C3: variants seen among roughly 807,000 people sequenced by gnomAD.
The protein encoded by C3 is C3 and PZP-like alpha-2-macroglobulin domain-containing protein 1.
C3 carries 97 observed loss-of-function variants against 207.9 expected under a neutral mutation model. The ratio of observed to expected loss-of-function variants is 0.47; its 90% CI spans 0.40 to 0.55. The LOEUF is 0.55. Ranked by LOEUF, C3 falls within the 20% of genes least tolerant of loss-of-function variation. The pLI, the probability that C3 is intolerant of heterozygous loss-of-function variation, is 0.00. For missense variants in C3, 1,684 were observed against 2,171.7 expected, an observed-to-expected ratio of 0.78 and a Z score of 4.46; for synonymous variants, 848 against 857.6, an observed-to-expected ratio of 0.99 and a Z score of 0.20.
In C3 at chr19:6,709,761, C is replaced by T. The variant is rs767902073; in HGVS notation, c.1768G>A (p.Gly590Arg). 9 of 1,613,926 alleles carry T rather than the reference C, an allele frequency of 5.6e-6. No homozygotes were observed. Among genetic ancestry groups the T allele is most frequent in the Admixed American group, 3.3e-5 (2 of 59,968 alleles). ...QMTLKIEGDH[G>R]ARVVLVAVDK... ...ACGGCCACCAGTACCACCCGGGCCC[C>T]GTGGTCACCCTCTATCTTCAGGGTC... The change falls in exon 14 of 41, where the codon GGG becomes AGG. Residue 590 changes from glycine to arginine, a missense_variant. By Grantham distance (125) the Gly-to-Arg change is moderately radical. Around this residue, in one of 3 missense-constraint regions of C3, gnomAD observed 1,280 missense variants for 1,739.1 expected, o/e 0.74. Transcript: ENST00000245907.
Position 6,694,480 on chromosome 19 carries a change from CTCCCACTGCT to C in C3, c.3095_3104del (p.Glu1032GlyfsTer5). 1 of 1,614,164 alleles carries C rather than the reference CTCCCACTGCT, an allele frequency of 6.2e-7. No individual in the cohort carries two copies. The highest frequency in any genetic ancestry group is 8.5e-7 in the Non-Finnish European group (1 of 1,179,998). ...CCTGCCGCTTCTCTAGGCCGAACTT[CTCCCACTGCT>C]CCGTTTCATCCAGGTAATGCACAGC... On this transcript the variant is annotated frameshift_variant, in exon 24 of 41. Transcript: ENST00000245907. LOFTEE classifies it high-confidence loss of function.
intron 27 of C3, 67 bp from the exon 28 acceptor site, chr19:6,686,969 G>T: frequency 6.7e-7 from 1 of 1,491,816 alleles, no homozygotes; most frequent in South Asian, 1.1e-5. Flanking sequence ...AGGATCATTC[G>T]AGCAGCACTT....
chr19:6,710,917 G>A (rs1599522803), intron 12 of C3, 70 bp downstream of exon 12: 1 of 1,601,382 alleles, frequency 6.2e-7, no homozygotes, highest in East Asian at 2.2e-5. Context: ...CCGGGATGGG[G>A]GAAGGAGTCC....
At chr19:6,710,336 GGAGA>G (rs143362146) in intron 13 of C3, among the ~76,000 whole-genome samples, 3 of 134,362 alleles carry the variant, frequency 2.2e-5, no homozygotes, top group Non-Finnish European at 3.2e-5. Flanking sequence ...AGAGAGAAAA[GGAGA>G]GAGAGAGGGA....
At chr19:6,716,189 T>C (rs750946960) in intron 4 of C3, among the ~76,000 whole-genome samples, 2 of 151,458 alleles carry the variant, frequency 1.3e-5, no homozygotes, top group Non-Finnish European at 2.9e-5. Flanking sequence ...CCTCCCGAAA[T>C]GTTGGAATTA....
intron 29 of C3, among the ~76,000 whole-genome samples, chr19:6,685,794 G>A (rs1403982548): frequency 6.6e-6 from 1 of 152,262 alleles, no homozygotes; most frequent in African/African-American, 2.4e-5. Flanking sequence ...CAGCAAGACA[G>A]GGTAAGATTG....
At chr19:6,678,092 TG>T in intron 40 of C3, 59 bp downstream of exon 40, 2 of 1,613,876 alleles carry the variant, frequency 1.2e-6, no homozygotes, top group East Asian at 2.2e-5. Context: ...GACAATGGTG[TG>T]GGCGTGGCAT....
In C3 at chr19:6,712,529, T is replaced by A; in HGVS notation, c.1098A>T (p.Pro366=). ...TCACCATGAGGTCAAAGGGCATTCC[T>A]GGTTTGAAGTACTTGGGTGTCTTGG... The part of the protein sequence containing the change: ...HFTKTPKYFK[P]GMPFDLMVFV... The change falls in exon 10 of 41, where the codon CCA becomes CCT. Residue 366 remains proline, a synonymous_variant. Coordinates refer to ENST00000245907, the MANE Select transcript of C3 (RefSeq NM_000064.4). 1 of 1,614,148 alleles carries A rather than the reference T, an allele frequency of 6.2e-7. No homozygotes were observed. Among genetic ancestry groups the A allele is most frequent in the Non-Finnish European group, 8.5e-7 (1 of 1,179,996 alleles).
intron 36 of C3, 179 bp downstream of exon 36, chr19:6,679,979 C>T (rs974204104): frequency 1.6e-6 from 1 of 629,708 alleles, no homozygotes; most frequent in Non-Finnish European, 2.9e-6. Flanking sequence ...CCCCTCAGAA[C>T]CTCAGAACCT....
In C3 at chr19:6,678,162, C is replaced by G. The variant is rs749266657; in HGVS notation, c.4840G>C (p.Glu1614Gln). 1.2e-6 allele frequency: 2 copies of G among 1,614,226 alleles called. No individual in the cohort carries two copies. The highest frequency in any genetic ancestry group is 1.7e-6 in the Non-Finnish European group (2 of 1,180,040). The change falls in exon 40 of 41, where the codon GAG becomes CAG. Residue 1614 changes from glutamate to glutamine, a missense_variant. This residue lies in a region of C3 where 346 missense variants were observed against 380.1 expected (regional missense o/e 0.91). Coordinates refer to ENST00000245907, the MANE Select transcript of C3 (RefSeq NM_000064.4). ...MWGLSSDFWG[E>Q]KPNLSYIIGK... ...AGGGAAAGCACTCACTTGGGCTTCT[C>G]TCCCCAGAAATCGGAGGAGAGACCC...
intron 14 of C3, among the ~76,000 whole-genome samples, chr19:6,709,078 G>T (rs11569428): frequency 0.14 from 21,657 of 151,890 alleles, 1,833 homozygotes; most frequent in East Asian, 0.43. Context: ...CTCCATCTTC[G>T]TCCCTACTCC....
At chr19:6,710,237 GGA>G (rs1340128852) in intron 13 of C3, among the ~76,000 whole-genome samples, 1 of 91,890 alleles carries the variant, frequency 1.1e-5, no homozygotes, top group Admixed American at 1.1e-4. Flanking sequence ...GGAGAGAGAG[GGA>G]GAGAGAGAAA....
chr19:6,708,133 ACTCT>A lies in C3; in HGVS notation c.1846-208_1846-205del, dbSNP rs10572042. 0.7 allele frequency among the ~76,000 whole-genome samples: 104,221 copies of A among 148,260 alleles called. 36,644 individuals carry two copies. The highest frequency in any genetic ancestry group is 0.78 in the East Asian group (3,920 of 4,994). On this transcript the variant is annotated intron_variant, in intron 14 of 40. Transcript: ENST00000245907. ...CCTTCTCTTTTTCTTTCTCTTTCTC[ACTCT>A]CTCTCTTTCTTTCTTTCGAGATGGA...
chr19:6,693,509 C>A, intron 24 of C3, 22 bp from the exon 25 acceptor site: 1 of 1,605,882 alleles, frequency 6.2e-7, no homozygotes, highest in Non-Finnish European at 8.5e-7. Flanking sequence ...AGAGAGGAAC[C>A]CCCAAAAGAG....
intron 22 of C3, 23 bp from the exon 23 acceptor site, chr19:6,696,488 C>T (rs752028348): frequency 8.0e-5 from 128 of 1,601,152 alleles, no homozygotes; most frequent in African/African-American, 2.0e-4. Context: ...TGAGAGATAC[C>T]GATGGCTCTA....
intron 33 of C3, among the ~76,000 whole-genome samples, chr19:6,683,767 A>G (rs1917928497): frequency 1.3e-5 from 2 of 152,232 alleles, no homozygotes; most frequent in South Asian, 4.1e-4. Context: ...CTGTATCTTT[A>G]TAACTGGCAG....
chr19:6,689,343 C>CT lies in C3; in HGVS notation c.3489+1285_3489+1286insA, dbSNP rs1568213487. ...TCTCTACCTACCTCCCTCCCTCCCT[C>CT]CCTCCCTCCCTCCCTCCCTCTCTCT... On this transcript the variant is annotated intron_variant, in intron 27 of 40. Transcript: ENST00000245907. Among the ~76,000 whole-genome samples, 26 of 60,844 alleles carry CT rather than the reference C, an allele frequency of 4.3e-4. 2 individuals are homozygous for CT. Among genetic ancestry groups the CT allele is most frequent in the African/African-American group, 2.1e-3 (25 of 12,012 alleles). 39.9% of individuals were successfully genotyped at this position (60,844 alleles called of 152,430 possible).
intron 30 of C3, 46 bp downstream of exon 30, chr19:6,684,942 A>G (rs780279120): frequency 1.9e-6 from 3 of 1,611,826 alleles, no homozygotes; most frequent in Non-Finnish European, 2.5e-6. Flanking sequence ...TGGCTAGTGT[A>G]GGGGGAGACA....
intron 33 of C3, 62 bp from the exon 34 acceptor site, chr19:6,682,291 C>G (rs1043541501): frequency 7.7e-6 from 10 of 1,300,958 alleles, no homozygotes; most frequent in Non-Finnish European, 1.1e-5. Context: ...AGGGTCTGTT[C>G]CTGGACAAGG....
Sources: gnomAD v4.1 joint callset for allele counts (sites outside exome capture counted in the v4.1 genomes callset) on GRCh38, gnomAD v4.1.1 for gene constraint, gnomAD v4.1.1 regional missense constraint, MANE v1.5 for transcripts, NCBI Gene and HGNC (gene_info 2026-07-23, HGNC 2026-07-21) for gene names.